Variants in NGFR observed in about 807,000 individuals in gnomAD.
NGFR encodes the protein tumor necrosis factor receptor superfamily member 16.
In NGFR, 30 loss-of-function variants were observed where a neutral mutation model predicts 43.2. The ratio of observed to expected loss-of-function variants is 0.69; its 90% CI spans 0.52 to 0.94. The LOEUF is 0.94. NGFR is among the 40% of genes least tolerant of loss of function. The pLI is 0.00. For synonymous variants in NGFR, 246 were observed against 259.6 expected (o/e 0.95, Z 0.50); for missense variants, 529 against 602.5 (o/e 0.88, Z 1.28).
intron 2 of NGFR, among the ~76,000 whole-genome samples, chr17:49,504,498 G>C (rs1443291843): frequency 6.6e-6 from 1 of 152,212 alleles, no homozygotes; most frequent in Non-Finnish European, 1.5e-5. Flanking sequence ...CTTTATGGCT[G>C]AATTTCATTT....
Position 49,506,469 on chromosome 17 carries a change from G to A in NGFR, c.379G>A (p.Val127Met), listed in dbSNP as rs1381296907. ...GACTGGGCGCTGCGAGGCGTGCCGC[G>A]TGTGCGAGGCGGGCTCGGGCCTCGT... ...ETTGRCEACRVCEAGSGLVFS... is the reference protein window; with the variant it reads ...ETTGRCEACRMCEAGSGLVFS... The change falls in exon 3 of 6, where the codon GTG becomes ATG. Residue 127 changes from valine to methionine, a missense_variant. By Grantham distance (21) the Val-to-Met change is conservative. Transcript: ENST00000172229. 2.5e-6 allele frequency: 4 copies of A among 1,609,764 alleles called. No individual in the cohort carries two copies. The highest frequency in any genetic ancestry group is 3.4e-6 in the Non-Finnish European group (4 of 1,179,150).
intron 1 of NGFR, 59 bp from the exon 2 acceptor site, chr17:49,502,004 C>CG: frequency 2.8e-6 from 1 of 356,536 alleles, no homozygotes; most frequent in East Asian, 6.7e-5. Context: ...GGAAGAACCC[C>CG]CCCCAACCCA....
intron 2 of NGFR, among the ~76,000 whole-genome samples, chr17:49,505,328 G>A (rs1333595585): frequency 2.6e-5 from 4 of 151,998 alleles, no homozygotes; most frequent in Admixed American, 2.6e-4. Flanking sequence ...CCTGTCCTTG[G>A]AGCAAGGATA....
At chr17:49,510,237 A>G (rs2071222441) in intron 3 of NGFR, among the ~76,000 whole-genome samples, 175 bp from the exon 4 acceptor site, 1 of 152,226 alleles carries the variant, frequency 6.6e-6, no homozygotes, top group South Asian at 2.1e-4. Flanking sequence ...GTGGGCCCAC[A>G]GGCCTTGCTC....
At chr17:49,501,999 A>AAGCCCCCCCCCCCCC in intron 1 of NGFR, 64 bp from the exon 2 acceptor site, 1 of 330,984 alleles carries the variant, frequency 3.0e-6, no homozygotes, top group Non-Finnish European at 5.9e-6. Context: ...TCCCCGGAAG[A>AAGCCCCCCCCCCCCC]ACCCCCCCCA....
intron 3 of NGFR, among the ~76,000 whole-genome samples, chr17:49,508,826 G>A (rs2537706): frequency 0.016 from 2,476 of 152,150 alleles, 69 homozygotes; most frequent in East Asian, 0.13. Context: ...GTCTGGCCAC[G>A]CCTTGCTACC....
At position 49,511,617 on chromosome 17, in the gene NGFR, G is replaced by A. The variant is rs549359983; in HGVS notation, c.822-275G>A. ...CATGTGGGAGTATTTTAGAAGGGTA[G>A]ATTGGGAGAAGAGGAGTTCCTGAGC... On this transcript the variant is annotated intron_variant, in intron 4 of 5. Coordinates refer to ENST00000172229, the MANE Select transcript of NGFR (RefSeq NM_002507.4). Among the ~76,000 whole-genome samples the A allele has an allele frequency of 8.5e-4, 129 of 152,092 alleles. 3 individuals are homozygous for A. The highest frequency in any genetic ancestry group is 3.4e-3 in the Middle Eastern group (1 of 294).
Position 49,506,666 on chromosome 17 carries a change from C to T in NGFR, c.568+8C>T, listed in dbSNP as rs753193644. 2 of 460,364 alleles carry T rather than the reference C, an allele frequency of 4.3e-6. No individual in the cohort carries two copies. Among genetic ancestry groups the T allele is most frequent in the East Asian group, 1.7e-4 (1 of 5,928 alleles). 28.5% of individuals were successfully genotyped at this position (460,364 alleles called of 1,614,324 possible). ...CCGACGCCGAGTGCGAGGGTGAGTG[C>T]GGTTCGGGGGGCGGGGGGAGTGGGG... is the stretch of plus-strand genomic sequence containing the variant. On this transcript the variant is annotated splice_region_variant and intron_variant, in intron 3 of 5. Coordinates refer to ENST00000172229, the MANE Select transcript of NGFR (RefSeq NM_002507.4).
In NGFR at chr17:49,505,229, CT is replaced by C. The variant is rs575056389; in HGVS notation, c.209-1069del. Among the ~76,000 whole-genome samples, 102 of 152,282 alleles carry C rather than the reference CT, an allele frequency of 6.7e-4. 1 individual carries two copies. The highest frequency in any genetic ancestry group is 7.2e-4 in the Admixed American group (11 of 15,288). On this transcript the variant is annotated intron_variant, in intron 2 of 5. Transcript: ENST00000172229. ...CCCCCCTACAGGCCTCAGTTTCCCC[CT>C]AATGGCGCTTTAGCCTTTCTGCTTC...
chr17:49,497,628 C>G (rs2071146440), intron 1 of NGFR: 1 of 152,304 alleles, frequency 6.6e-6, no homozygotes, highest in Non-Finnish European at 1.5e-5. Flanking sequence ...TGTGCGCGGT[C>G]CGAGTTTCTT....
At chr17:49,507,916 TC>T (rs2071209353) in intron 3 of NGFR, among the ~76,000 whole-genome samples, 1 of 152,218 alleles carries the variant, frequency 6.6e-6, no homozygotes. Flanking sequence ...CAGCAGAGCT[TC>T]TGCCTCAGTT....
intron 2 of NGFR, among the ~76,000 whole-genome samples, chr17:49,503,556 C>T (rs562236353): frequency 2.2e-4 from 34 of 152,116 alleles, no homozygotes; most frequent in Non-Finnish European, 4.7e-4. Context: ...CTCTGGATGT[C>T]CCCCCTGAGT....
At chr17:49,511,805 C>T (rs2071234306) in intron 4 of NGFR, 87 bp from the exon 5 acceptor site, 2 of 1,411,438 alleles carry the variant, frequency 1.4e-6, no homozygotes, top group South Asian at 3.2e-5. Context: ...ATGCCCCTGG[C>T]CCTCACACGG....
chr17:49,501,999 A>AGGGGGGCCCCCCCC, intron 1 of NGFR, 64 bp from the exon 2 acceptor site: 1 of 330,980 alleles, frequency 3.0e-6, no homozygotes, highest in Non-Finnish European at 5.9e-6. Flanking sequence ...TCCCCGGAAG[A>AGGGGGGCCCCCCCC]ACCCCCCCCA....
chr17:49,505,508 G>C (rs2071191376), intron 2 of NGFR: 1 of 152,272 alleles, frequency 6.6e-6, no homozygotes, highest in South Asian at 2.1e-4. Context: ...GAAAACATGA[G>C]TGAAGAATGA....
At chr17:49,498,349 G>A (rs2143420956) in intron 1 of NGFR, among the ~76,000 whole-genome samples, 1 of 152,254 alleles carries the variant, frequency 6.6e-6, no homozygotes, top group East Asian at 1.9e-4. Flanking sequence ...CATTATCTTG[G>A]GTAATTAGCT....
chr17:49,506,640 G>A lies in NGFR; in HGVS notation c.550G>A (p.Ala184Thr), dbSNP rs1389413638. ...ERQLRECTRW[A>T]DAECEEIPGR... ...CCAGCTCCGCGAGTGCACACGCTGGGCCGACGCCGAGTGCGAGGGTGAGTG... is the reference window on the plus strand; with the variant it reads ...CCAGCTCCGCGAGTGCACACGCTGGACCGACGCCGAGTGCGAGGGTGAGTG... The change falls in exon 3 of 6, where the codon GCC becomes ACC. Residue 184 changes from alanine to threonine, a missense_variant. Ala to Thr is a moderately conservative substitution (Grantham distance 58). Transcript: ENST00000172229. The A allele has an allele frequency of 6.5e-6, 10 of 1,529,576 alleles. No individual in the cohort carries two copies. The highest frequency in any genetic ancestry group is 8.8e-6 in the Non-Finnish European group (10 of 1,134,002). 94.8% of individuals were successfully genotyped at this position (1,529,576 alleles called of 1,614,324 possible). A position where few individuals can be genotyped will look rare whatever the true frequency, so the allele number is the denominator to read the frequency against.
intron 1 of NGFR, chr17:49,496,553 A>C (rs2071139147): frequency 6.6e-6 from 1 of 152,252 alleles, no homozygotes; most frequent in African/African-American, 2.4e-5. Flanking sequence ...AGCTCTGGCT[A>C]CGCAGGCGGG....
Position 49,512,953 on chromosome 17 carries a change from C to T in NGFR, c.1228C>T (p.Arg410Ter), listed in dbSNP as rs1597865425. The T allele has an allele frequency of 3.7e-6, 6 of 1,608,946 alleles. No homozygotes were observed. Among genetic ancestry groups the T allele is most frequent in the Non-Finnish European group, 4.2e-6 (5 of 1,177,760 alleles). The change falls in exon 6 of 6, where the codon CGA becomes TGA. Residue 410 changes from arginine to a stop codon, truncating the protein, a stop_gained. Coordinates refer to ENST00000172229, the MANE Select transcript of NGFR (RefSeq NM_002507.4). LOFTEE classifies it high-confidence loss of function. The surrounding 1 kb of genome is among the most constrained non-coding windows in gnomAD (Gnocchi z 5.2). ...CCTGGCCGCCCTGCGCCGCATCCAG[C>T]GAGCCGACCTCGTGGAGAGTCTGTG... Reference protein sequence around the residue: ...ALLAALRRIQRADLVESLCSE... With the variant: ...ALLAALRRIQ
Sources: gnomAD v4.1 joint callset for allele counts (sites outside exome capture counted in the v4.1 genomes callset) on GRCh38, gnomAD v4.1.1 for gene constraint, Gnocchi (gnomAD v3.1) non-coding constraint, MANE v1.5 for transcripts, NCBI Gene and HGNC (gene_info 2026-07-23, HGNC 2026-07-21) for gene names.